Variants in NELL2 observed in about 807,000 individuals in gnomAD.
The protein encoded by NELL2 is neural EGFL like 2, also known as protein kinase C-binding protein NELL2.
In NELL2, 41 loss-of-function variants were observed where a neutral mutation model predicts 109.6. The ratio of observed to expected loss-of-function variants is 0.37; its 90% CI spans 0.29 to 0.49. The LOEUF is 0.49. NELL2 is among the 20% of genes least tolerant of loss of function. The pLI is 0.98. For synonymous variants in NELL2, 355 were observed against 344.7 expected (o/e 1.03, Z -0.33); for missense variants, 900 against 1,008.3 (o/e 0.89, Z 1.45).
chr12:44,827,869 T>C (rs1265210134), intron 2 of NELL2, among the ~76,000 whole-genome samples: 1 of 152,156 alleles, frequency 6.6e-6, no homozygotes, highest in Non-Finnish European at 1.5e-5. Flanking sequence ...TCTATTTTAG[T>C]TTTCTGAGGA....
chr12:44,559,283 T>C (rs1943379761), intron 15 of NELL2, among the ~76,000 whole-genome samples: 1 of 152,106 alleles, frequency 6.6e-6, no homozygotes. Context: ...ATGGGCAAAA[T>C]AACCAGCTAG....
At chr12:44,737,647 C>A (rs550315212) in intron 9 of NELL2, among the ~76,000 whole-genome samples, 17 of 152,034 alleles carry the variant, frequency 1.1e-4, no homozygotes, top group Non-Finnish European at 1.3e-4. Flanking sequence ...TTGTGATCAA[C>A]CTGCATCATT....
At chr12:44,606,539 T>G (rs1945407531) in intron 15 of NELL2, among the ~76,000 whole-genome samples, 1 of 152,154 alleles carries the variant, frequency 6.6e-6, no homozygotes, top group Non-Finnish European at 1.5e-5. Flanking sequence ...TCCCAAGATG[T>G]GTTTTTCATT....
chr12:44,909,465 T>C (rs150044235), intron 1 of NELL2, among the ~76,000 whole-genome samples: 1 of 151,684 alleles, frequency 6.6e-6, no homozygotes, highest in Non-Finnish European at 1.5e-5. Flanking sequence ...ATATATGACA[T>C]GCTCATGGAC....
intron 13 of NELL2, among the ~76,000 whole-genome samples, chr12:44,659,776 C>G (rs1318699874): frequency 6.6e-6 from 1 of 151,716 alleles, no homozygotes; most frequent in Non-Finnish European, 1.5e-5. Flanking sequence ...AGAGGAGCCC[C>G]TTTTTTTTCA....
intron 3 of NELL2, among the ~76,000 whole-genome samples, chr12:44,810,141 C>T (rs1306406265): frequency 1.3e-5 from 2 of 152,094 alleles, no homozygotes; most frequent in African/African-American, 2.4e-5. Context: ...TCCTGATGTA[C>T]TCATAATAAC....
intron 15 of NELL2, among the ~76,000 whole-genome samples, chr12:44,536,566 T>C (rs1207713971): frequency 2.0e-5 from 3 of 152,030 alleles, no homozygotes; most frequent in Non-Finnish European, 4.4e-5. Flanking sequence ...AACGCATTAT[T>C]TTCCAAACTA....
intron 15 of NELL2, among the ~76,000 whole-genome samples, chr12:44,575,959 T>C (rs1320306857): frequency 6.6e-6 from 1 of 152,178 alleles, no homozygotes; most frequent in African/African-American, 2.4e-5. Context: ...GTTTGACCCC[T>C]ACCTGCCTCT....
rs2136532164 is a variant in NELL2, at chr12:44,753,597, C to T, written c.994+21150G>A. ...ATGGCCTAGGACTTGGCTGTGTTGA[C>T]CTCACATGCCCTATTTTTAATACTT... On this transcript the variant is annotated intron_variant, in intron 9 of 19. Coordinates refer to ENST00000429094, the MANE Select transcript of NELL2 (RefSeq NM_001145108.2). 2.6e-5 allele frequency among the ~76,000 whole-genome samples: 4 copies of T among 152,190 alleles called. 1 individual carries two copies. Among genetic ancestry groups the T allele is most frequent in the Admixed American group, 2.6e-4 (4 of 15,288 alleles).
At chr12:44,886,326 C>T (rs1461589681) in intron 1 of NELL2, among the ~76,000 whole-genome samples, 3 of 151,650 alleles carry the variant, frequency 2.0e-5, no homozygotes, top group East Asian at 1.9e-4. Context: ...AAGAAAAAAT[C>T]GAGAAATTAT....
intron 3 of NELL2, among the ~76,000 whole-genome samples, chr12:44,794,595 C>T (rs1429556486): frequency 6.6e-6 from 1 of 152,168 alleles, no homozygotes; most frequent in Non-Finnish European, 1.5e-5. Context: ...AGCTCTAATT[C>T]TGGCATCACA....
intron 13 of NELL2, among the ~76,000 whole-genome samples, chr12:44,652,943 T>C (rs755098585): frequency 2.6e-4 from 40 of 152,204 alleles, no homozygotes; most frequent in Non-Finnish European, 2.8e-4. Context: ...CAGTCTTCCA[T>C]AGTCACATTT....
intron 13 of NELL2, among the ~76,000 whole-genome samples, chr12:44,656,995 T>A (rs557029182): frequency 6.6e-6 from 1 of 152,354 alleles, no homozygotes; most frequent in South Asian, 2.1e-4. Context: ...ACCTTTCTGG[T>A]ATTATTTTAA....
At chr12:44,908,219 C>G (rs996380425) in intron 1 of NELL2, among the ~76,000 whole-genome samples, 4 of 151,752 alleles carry the variant, frequency 2.6e-5, no homozygotes, top group African/African-American at 9.7e-5. Context: ...GCCTAGGAAG[C>G]TATGTGGTAT....
chr12:44,800,065 A>T (rs1024756459), intron 3 of NELL2, among the ~76,000 whole-genome samples: 2 of 152,148 alleles, frequency 1.3e-5, no homozygotes, highest in Non-Finnish European at 2.9e-5. Flanking sequence ...AAATATACAG[A>T]CACATTAATT....
At chr12:44,821,071 G>C (rs998516668) in intron 2 of NELL2, among the ~76,000 whole-genome samples, 1 of 114,884 alleles carries the variant, frequency 8.7e-6, no homozygotes, top group South Asian at 3.1e-4. Flanking sequence ...ACACACACAC[G>C]TATATATATT....
intron 15 of NELL2, among the ~76,000 whole-genome samples, chr12:44,591,423 C>T (rs961088219): frequency 5.9e-5 from 9 of 152,054 alleles, no homozygotes; most frequent in African/African-American, 2.2e-4. Flanking sequence ...GGTATATATA[C>T]ATGATGGAAT....
chr12:44,773,682 A>T (rs1347964554), intron 9 of NELL2, among the ~76,000 whole-genome samples: 3 of 152,192 alleles, frequency 2.0e-5, no homozygotes, highest in Non-Finnish European at 2.9e-5. Context: ...TTAGCTAGTG[A>T]CATGTAAGAA....
chr12:44,891,585 T>C (rs549412698), intron 1 of NELL2, among the ~76,000 whole-genome samples: 1 of 152,268 alleles, frequency 6.6e-6, no homozygotes, highest in Non-Finnish European at 1.5e-5. Flanking sequence ...TTAGATGTTA[T>C]TCTCTTTAAA....
Sources: gnomAD v4.1 joint callset for allele counts (sites outside exome capture counted in the v4.1 genomes callset) on GRCh38, gnomAD v4.1.1 for gene constraint, MANE v1.5 for transcripts, NCBI Gene and HGNC (gene_info 2026-07-23, HGNC 2026-07-21) for gene names.